Variants in IL1RL1 observed in about 807,000 individuals in gnomAD.
IL1RL1 encodes interleukin 1 receptor like 1.
IL1RL1 carries 32 observed loss-of-function variants against 50.9 expected under a neutral mutation model. That is an observed-to-expected ratio of 0.63 (90% CI 0.47 to 0.84). IL1RL1 has a LOEUF of 0.84. Among genes scored for constraint, IL1RL1 ranks in the 40% least tolerant of loss-of-function variants. The probability of loss-of-function intolerance (pLI) is 0.00; values close to 1 mark genes in which losing one functional copy is unlikely to be tolerated. For synonymous variants in IL1RL1, 275 were observed against 236.0 expected (o/e 1.17, Z -1.51); for missense variants, 773 against 662.9 (o/e 1.17, Z -1.82).
chr2:102,319,757 T>C (rs1676782652), intron 1 of IL1RL1, among the ~76,000 whole-genome samples: 3 of 152,220 alleles, frequency 2.0e-5, no homozygotes, highest in Non-Finnish European at 4.4e-5. Context: ...GACATGATCA[T>C]GGCTCATTGC....
chr2:102,328,506 G>A (rs1677077960), intron 1 of IL1RL1, among the ~76,000 whole-genome samples: 1 of 152,082 alleles, frequency 6.6e-6, no homozygotes, highest in African/African-American at 2.4e-5. Context: ...TTCTGGCCAG[G>A]GCAATCAGGC....
chr2:102,327,082 A>G (rs1165767566), intron 1 of IL1RL1, among the ~76,000 whole-genome samples: 1 of 152,224 alleles, frequency 6.6e-6, no homozygotes, highest in Non-Finnish European at 1.5e-5. Context: ...CACCTATTCC[A>G]AAATTGACCA....
chr2:102,334,571 A>T (rs1331646381), intron 1 of IL1RL1, among the ~76,000 whole-genome samples: 1 of 150,852 alleles, frequency 6.6e-6, no homozygotes, highest in Admixed American at 6.6e-5. Flanking sequence ...TGATACCCAG[A>T]TGTCCTCTAG....
chr2:102,311,731 T>C (rs1465062439), intron 1 of IL1RL1, 108 bp downstream of exon 1: 1 of 129,764 alleles, frequency 7.7e-6, no homozygotes, highest in East Asian at 2.1e-4. Context: ...GTTATATTAT[T>C]ATAACATTAT....
At chr2:102,340,874 C>T (rs772531048) in intron 5 of IL1RL1, 46 bp downstream of exon 5, 13 of 1,459,012 alleles carry the variant, frequency 8.9e-6, no homozygotes, top group South Asian at 2.8e-5. Context: ...TGAAAGAAGT[C>T]GAAGTGGGAA....
At position 102,351,732 on chromosome 2, in the gene IL1RL1, G is replaced by C. The variant is rs752831257; in HGVS notation, c.1482G>C (p.Glu494Asp). The C allele has an allele frequency of 2.5e-6, 4 of 1,613,988 alleles. No individual in the cohort carries two copies. The highest frequency in any genetic ancestry group is 8.5e-7 in the Non-Finnish European group (1 of 1,180,010). Residue 494 changes from glutamate (E) to aspartate (D), a missense_variant, in exon 11 of 11, where the codon GAG (glutamate) becomes GAC (aspartate). Transcript: ENST00000233954. ...ALSELDMLQA[E>D]ALQDSLQHLM... ...GCGAGCTGGACATGCTGCAGGCTGA[G>C]GCGCTTCAGGACTCCCTCCAGCATC...
downstream of IL1RL1, chr2:102,352,121 A>G (rs1036040295): frequency 6.4e-5 from 33 of 517,428 alleles, no homozygotes; most frequent in Non-Finnish European, 1.0e-4. Context: ...TCAATCCTCC[A>G]CCATCCTCCA....
At chr2:102,342,189 T>C in intron 5 of IL1RL1, 34 bp from the exon 6 acceptor site, 1 of 1,424,298 alleles carries the variant, frequency 7.0e-7, no homozygotes, top group Non-Finnish European at 9.9e-7. Flanking sequence ...CATTCAATGC[T>C]CTCCTAATAT....
chr2:102,348,820 G>T (rs764841588), intron 9 of IL1RL1, among the ~76,000 whole-genome samples: 28 of 152,190 alleles, frequency 1.8e-4, no homozygotes, highest in Non-Finnish European at 3.2e-4. Flanking sequence ...AAATTGATGA[G>T]ATGGACAGGT....
At chr2:102,315,021 T>A (rs1279842851) in intron 1 of IL1RL1, among the ~76,000 whole-genome samples, 1 of 152,220 alleles carries the variant, frequency 6.6e-6, no homozygotes, top group African/African-American at 2.4e-5. Context: ...GCTTTCTGTC[T>A]TTGCTTTCCC....
chr2:102,319,642 T>C (rs1676779418), intron 1 of IL1RL1, among the ~76,000 whole-genome samples: 1 of 152,212 alleles, frequency 6.6e-6, no homozygotes. Flanking sequence ...ATTTCTGCCC[T>C]TATAGAATTT....
At chr2:102,344,418 C>T in intron 8 of IL1RL1, 2 of 920,106 alleles carry the variant, frequency 2.2e-6, no homozygotes, top group Non-Finnish European at 2.6e-6. Flanking sequence ...GGTAGCTCAG[C>T]CCATTTCTTT....
At chr2:102,312,149 A>G (rs1238916653) in intron 1 of IL1RL1, among the ~76,000 whole-genome samples, 3 of 129,428 alleles carry the variant, frequency 2.3e-5, no homozygotes, top group African/African-American at 5.9e-5. Flanking sequence ...CATTCACTCA[A>G]TGACAGAGGG....
intron 3 of IL1RL1, 196 bp downstream of exon 3, chr2:102,339,243 A>G (rs929367719): frequency 5.5e-6 from 3 of 540,594 alleles, no homozygotes; most frequent in Non-Finnish European, 9.9e-6. Flanking sequence ...ATTCTGAGCT[A>G]TTTGGATTTA....
At chr2:102,327,406 A>G (rs925901593) in intron 1 of IL1RL1, among the ~76,000 whole-genome samples, 18 of 151,648 alleles carry the variant, frequency 1.2e-4, no homozygotes, top group Non-Finnish European at 2.4e-4. Flanking sequence ...AAAGCAGGAA[A>G]GATCTAAAAT....
At chr2:102,349,034 T>C in intron 9 of IL1RL1, 45 bp from the exon 10 acceptor site, 1 of 1,509,254 alleles carries the variant, frequency 6.6e-7, no homozygotes, top group Non-Finnish European at 9.2e-7. Context: ...CAGTGAGAAT[T>C]TTTAGAATCA....
Position 102,339,037 on chromosome 2 carries a change from A to G in IL1RL1, c.262A>G (p.Ile88Val). The change falls in exon 3 of 11, where the codon ATT (isoleucine) becomes GTT (valine). Residue 88 changes from isoleucine (I) to valine (V), a missense_variant. Physicochemically the swap from Ile to Val is conservative, Grantham distance 29. Transcript: ENST00000233954. ...AVADSGIYTC[I>V]VRSPTFNRTG... The stretch of plus-strand genomic sequence containing the variant: ...TGCTGATTCTGGTATTTATACCTGT[A>G]TTGTCAGAAGGTATTATGCAGAAGG... 2 of 1,610,606 alleles carry G rather than the reference A, an allele frequency of 1.2e-6. No individual in the cohort carries two copies. The highest frequency in any genetic ancestry group is 1.7e-6 in the Non-Finnish European group (2 of 1,177,206).
intron 1 of IL1RL1, among the ~76,000 whole-genome samples, chr2:102,326,579 C>A (rs139792780): frequency 2.6e-5 from 4 of 152,024 alleles, no homozygotes; most frequent in African/African-American, 7.3e-5. Flanking sequence ...AGAGTCAAGA[C>A]CCATCAGTGT....
chr2:102,325,372 C>T (rs1676966423), intron 1 of IL1RL1, among the ~76,000 whole-genome samples: 3 of 152,020 alleles, frequency 2.0e-5, no homozygotes, highest in Admixed American at 2.0e-4. Context: ...CATCAAAGAC[C>T]AAAGGTAGAT....
Sources: gnomAD v4.1 joint callset for allele counts (sites outside exome capture counted in the v4.1 genomes callset) on GRCh38, gnomAD v4.1.1 for gene constraint, MANE v1.5 for transcripts, NCBI Gene and HGNC (gene_info 2026-07-23, HGNC 2026-07-21) for gene names.